Variants in PTPRN2 observed in about 807,000 individuals in gnomAD.
PTPRN2 encodes the protein receptor-type tyrosine-protein phosphatase N2.
Under a neutral mutation model 118.8 loss-of-function variants are expected in PTPRN2, and 74 were observed. The observed-to-expected ratio is 0.62, with a 90% confidence interval of 0.52 to 0.76. The LOEUF is 0.76. Among genes scored for constraint, PTPRN2 ranks in the 30% least tolerant of loss-of-function variants. The probability of loss-of-function intolerance (pLI) is 0.00; values close to 1 mark genes in which losing one functional copy is unlikely to be tolerated. For missense variants in PTPRN2, 1,481 were observed against 1,394.4 expected, an observed-to-expected ratio of 1.06 and a Z score of -0.99; for synonymous variants, 641 against 608.0, an observed-to-expected ratio of 1.05 and a Z score of -0.80.
At chr7:158,294,868 C>A (rs1024033216) in intron 3 of PTPRN2, among the ~76,000 whole-genome samples, 1 of 149,058 alleles carries the variant, frequency 6.7e-6, no homozygotes, top group South Asian at 2.2e-4. Context: ...TTCTGAGGGT[C>A]TAAGCCCATG....
intron 11 of PTPRN2, among the ~76,000 whole-genome samples, chr7:157,980,473 C>T (rs939400535): frequency 6.6e-6 from 1 of 152,166 alleles, no homozygotes; most frequent in African/African-American, 2.4e-5. Context: ...TGTGATTGGC[C>T]GGGCACGGTG....
At chr7:157,702,067 G>A (rs1425343027) in intron 12 of PTPRN2, among the ~76,000 whole-genome samples, 3 of 151,312 alleles carry the variant, frequency 2.0e-5, no homozygotes, top group Non-Finnish European at 4.4e-5. Flanking sequence ...TAACTGACGT[G>A]GGCTGTGCAT....
intron 16 of PTPRN2, among the ~76,000 whole-genome samples, chr7:157,599,301 C>T (rs969167808): frequency 1.3e-5 from 2 of 152,188 alleles, no homozygotes; most frequent in Non-Finnish European, 2.9e-5. Flanking sequence ...TAAGCCACTG[C>T]GCCTGGCTTA....
At chr7:157,933,225 T>C (rs1227355983) in intron 11 of PTPRN2, among the ~76,000 whole-genome samples, 1 of 142,132 alleles carries the variant, frequency 7.0e-6, no homozygotes, top group Non-Finnish European at 1.5e-5. Flanking sequence ...GGTGAGTCAC[T>C]CTGATTGACA....
chr7:157,800,089 C>T (rs1317583870), intron 12 of PTPRN2, among the ~76,000 whole-genome samples: 1 of 151,362 alleles, frequency 6.6e-6, no homozygotes, highest in Non-Finnish European at 1.5e-5. Flanking sequence ...AGGCAGCCTC[C>T]TCCATCCCTG....
At chr7:158,341,590 ACCCGCAG>A (rs1806812633) in intron 2 of PTPRN2, among the ~76,000 whole-genome samples, 1 of 24,180 alleles carries the variant, frequency 4.1e-5, no homozygotes, top group Non-Finnish European at 8.8e-5. Context: ...AAGAGGTGAC[ACCCGCAG>A]ACATCACTCA....
intron 12 of PTPRN2, among the ~76,000 whole-genome samples, chr7:157,898,040 C>G (rs1016257186): frequency 1.3e-5 from 2 of 152,242 alleles, no homozygotes; most frequent in African/African-American, 4.8e-5. Flanking sequence ...TGCGGGGAGG[C>G]GCCTGCGGCT....
Position 157,854,827 on chromosome 7 carries a change from G to A in PTPRN2, c.1788+43846C>T, listed in dbSNP as rs1809562356. 6 of 160,534 alleles carry A rather than the reference G, an allele frequency of 3.7e-5. No individual in the cohort carries two copies. In the Admixed American group the frequency reaches 3.9e-4, roughly 10 times the overall value. 9.9% of individuals were successfully genotyped at this position (160,534 alleles called of 1,614,324 possible). ...AACAGACAGGACGTTTCACAGAGCA[G>A]GCTGCCATGTCCCTCGGGGCCTTGG... is the stretch of plus-strand genomic sequence containing the variant. On this transcript the variant is annotated intron_variant, in intron 12 of 22. Coordinates refer to ENST00000389418, the MANE Select transcript of PTPRN2 (RefSeq NM_002847.5).
chr7:157,876,579 C>T (rs535144736), intron 12 of PTPRN2, among the ~76,000 whole-genome samples: 23 of 152,304 alleles, frequency 1.5e-4, no homozygotes, highest in South Asian at 1.0e-3. Flanking sequence ...GATGCACAGA[C>T]GGCCAAGGCA....
chr7:158,310,644 G>A (rs1801633436), intron 3 of PTPRN2, among the ~76,000 whole-genome samples: 1 of 152,048 alleles, frequency 6.6e-6, no homozygotes, highest in South Asian at 2.1e-4. Context: ...GCCAGACAGA[G>A]CGCAAATCCC....
At chr7:157,721,318 C>T (rs957267956) in intron 12 of PTPRN2, among the ~76,000 whole-genome samples, 15 of 152,184 alleles carry the variant, frequency 9.9e-5, no homozygotes, top group Admixed American at 3.3e-4. Flanking sequence ...CTTCCCTCGT[C>T]GGAAAGTCTC....
At chr7:157,623,060 C>T (rs1275350911) in intron 14 of PTPRN2, among the ~76,000 whole-genome samples, 7 of 152,148 alleles carry the variant, frequency 4.6e-5, no homozygotes, top group East Asian at 1.9e-4. Flanking sequence ...AGAGATGTCT[C>T]GAGTTGTGAA....
intron 11 of PTPRN2, among the ~76,000 whole-genome samples, chr7:157,968,353 G>A (rs924491655): frequency 6.6e-6 from 1 of 152,232 alleles, no homozygotes. Flanking sequence ...GCCTTGGGCA[G>A]CACCTGTGAT....
chr7:158,337,268 C>A (rs1458253289), intron 2 of PTPRN2, among the ~76,000 whole-genome samples: 2 of 151,300 alleles, frequency 1.3e-5, no homozygotes, highest in African/African-American at 4.9e-5. Flanking sequence ...CTGCAGACGT[C>A]ACTCAAACTC....
At chr7:157,938,239 C>T (rs776547961) in intron 11 of PTPRN2, among the ~76,000 whole-genome samples, 8 of 152,220 alleles carry the variant, frequency 5.3e-5, no homozygotes, top group Non-Finnish European at 1.2e-4. Context: ...AAAACTGCAG[C>T]ACCCACTGGT....
rs553222299 is a variant in PTPRN2 at position 157,777,656 on chromosome 7, C to G, written c.1789-94719G>C. Among the ~76,000 whole-genome samples the G allele has an allele frequency of 1.5e-3, 224 of 152,346 alleles. 1 individual carries two copies. In the South Asian group the frequency reaches 0.021, roughly 14 times the overall value. ...CACACATGTGGATTCAGAGCTAGGGCCAGAAGGTGTGCTTAGGCACAGCAG... is the reference window on the plus strand; with the variant it reads ...CACACATGTGGATTCAGAGCTAGGGGCAGAAGGTGTGCTTAGGCACAGCAG... On this transcript the variant is annotated intron_variant, in intron 12 of 22. Coordinates refer to ENST00000389418, the MANE Select transcript of PTPRN2 (RefSeq NM_002847.5).
chr7:158,064,628 G>T (rs1002371711), intron 11 of PTPRN2, among the ~76,000 whole-genome samples: 4 of 152,204 alleles, frequency 2.6e-5, no homozygotes, highest in African/African-American at 7.2e-5. Context: ...CTCCCCAGAT[G>T]CTCCTTTTTC....
rs1795616760 is a variant in PTPRN2 at position 157,874,755 on chromosome 7, A to G, written c.1788+23918T>C. ...GACACACTCATGCACATACACAGACACACACTCATGCACACACACACGAAC... is the reference window on the plus strand; with the variant it reads ...GACACACTCATGCACATACACAGACGCACACTCATGCACACACACACGAAC... On this transcript the variant is annotated intron_variant, in intron 12 of 22. Transcript: ENST00000389418. The surrounding 1 kb of genome is among the most constrained non-coding windows in gnomAD (Gnocchi z 5.8). Among the ~76,000 whole-genome samples, 1 of 148,998 alleles carries G rather than the reference A, an allele frequency of 6.7e-6. No individual in the cohort carries two copies. Among genetic ancestry groups the G allele is most frequent in the African/African-American group, 2.4e-5 (1 of 40,944 alleles).
chr7:158,240,379 G>A (rs1308881926), intron 3 of PTPRN2, among the ~76,000 whole-genome samples: 4 of 152,166 alleles, frequency 2.6e-5, no homozygotes, highest in South Asian at 2.1e-4. Flanking sequence ...CCTCGAATAC[G>A]ACCAGGACAG....
Sources: allele counts gnomAD v4.1 joint callset (sites outside exome capture counted in the v4.1 genomes callset), GRCh38; gene constraint gnomAD v4.1.1; non-coding constraint Gnocchi (gnomAD v3.1); transcripts MANE v1.5; gene names NCBI Gene and HGNC (gene_info 2026-07-23, HGNC 2026-07-21).